Variants in TMTC2 observed in about 807,000 individuals in gnomAD.
The protein encoded by TMTC2 is transmembrane O-mannosyltransferase targeting cadherins 2.
TMTC2 carries 43 observed loss-of-function variants against 82.4 expected under a neutral mutation model. The observed-to-expected ratio is 0.52, with a 90% CI of 0.41 to 0.67. The LOEUF is 0.67. Ranked by LOEUF, TMTC2 falls within the 30% of genes least tolerant of loss-of-function variation. The pLI is 0.00. For missense variants in TMTC2, 919 were observed against 1,012.4 expected (o/e 0.91, Z 1.25); for synonymous variants, 408 against 381.9 (o/e 1.07, Z -0.80).
intron 10 of TMTC2, among the ~76,000 whole-genome samples, chr12:83,057,939 T>A (rs1291166226): frequency 6.6e-6 from 1 of 151,882 alleles, no homozygotes; most frequent in Non-Finnish European, 1.5e-5. Context: ...GTTTTATAAT[T>A]CTCACAGAAT....
chr12:82,930,263 T>C (rs1875955611), intron 3 of TMTC2, among the ~76,000 whole-genome samples, 168 bp from the exon 4 acceptor site: 1 of 152,204 alleles, frequency 6.6e-6, no homozygotes, highest in Non-Finnish European at 1.5e-5. Context: ...TGATTATATT[T>C]AATCTCCTGG....
At chr12:82,981,927 CT>C (rs1172715894) in intron 7 of TMTC2, among the ~76,000 whole-genome samples, 3 of 151,006 alleles carry the variant, frequency 2.0e-5, no homozygotes, top group Non-Finnish European at 3.0e-5. Context: ...TCTCTGAAGA[CT>C]TTTGATAGTA....
At position 83,132,322 on chromosome 12, in the gene TMTC2, C is replaced by T. The variant is rs752935267; in HGVS notation, c.2444C>T (p.Thr815Ile). The T allele has an allele frequency of 6.2e-7, 1 of 1,614,080 alleles. No individual in the cohort carries two copies. The highest frequency in any genetic ancestry group is 1.1e-5 in the South Asian group (1 of 91,072). Residue 815 changes from threonine (T) to isoleucine (I), a missense_variant, in exon 12 of 12, where the codon ACA becomes ATA. By Grantham distance (89) the Thr-to-Ile change is moderately conservative. Transcript: ENST00000321196. ...CAGCTCAAGCCAGACGATGTCATCA[C>T]ACAGTCCAATCTCCGCAAACTGTGG... The part of the protein sequence containing the change: ...ALQLKPDDVI[T>I]QSNLRKLWNI...
At chr12:83,069,411 G>A (rs1883030618) in intron 11 of TMTC2, among the ~76,000 whole-genome samples, 2 of 152,044 alleles carry the variant, frequency 1.3e-5, no homozygotes, top group Non-Finnish European at 2.9e-5. Flanking sequence ...AGGTGGTGTT[G>A]CAGTATGGTT....
At chr12:83,112,009 G>A (rs181221238) in intron 11 of TMTC2, among the ~76,000 whole-genome samples, 54 of 151,988 alleles carry the variant, frequency 3.6e-4, no homozygotes, top group African/African-American at 1.3e-3. Flanking sequence ...AGGATGCTGA[G>A]GGAGGAGGAT....
intron 2 of TMTC2, among the ~76,000 whole-genome samples, chr12:82,877,257 C>A (rs1200554186): frequency 6.6e-6 from 1 of 152,170 alleles, no homozygotes; most frequent in Admixed American, 6.5e-5. Flanking sequence ...AAATAACTTT[C>A]TCTCTGAAAC....
intron 11 of TMTC2, among the ~76,000 whole-genome samples, chr12:83,128,367 C>T (rs948737429): frequency 6.6e-5 from 10 of 151,814 alleles, no homozygotes; most frequent in African/African-American, 2.4e-4. Flanking sequence ...CATACCTTAT[C>T]CTTCTGTCTA....
chr12:82,930,345 C>T, intron 3 of TMTC2, 86 bp from the exon 4 acceptor site: 1 of 650,116 alleles, frequency 1.5e-6, no homozygotes, highest in East Asian at 2.7e-5. Flanking sequence ...GTTTTCTCTC[C>T]CTGTGGTACT....
rs895292785 is a variant in TMTC2 at position 83,134,318 on chromosome 12, G to T, written c.*1929G>T. On this transcript the variant is annotated 3_prime_UTR_variant, in exon 12 of 12. Coordinates refer to ENST00000321196, the MANE Select transcript of TMTC2 (RefSeq NM_152588.3). The stretch of plus-strand genomic sequence containing the variant: ...AAAAAAAAAAGGAATTTAATATAAG[G>T]CTATAGAGATTAATTCAGTGTCTAA... 2.6e-5 allele frequency: 4 copies of T among 152,000 alleles called. No homozygotes were observed. Among genetic ancestry groups the T allele is most frequent in the African/African-American group, 7.3e-5 (3 of 41,260 alleles). 9.4% of individuals were successfully genotyped at this position (152,000 alleles called of 1,614,324 possible). A position where few individuals can be genotyped will look rare whatever the true frequency, so the allele number is the denominator to read the frequency against.
intron 1 of TMTC2, among the ~76,000 whole-genome samples, chr12:82,734,262 A>AT (rs1385261997): frequency 6.6e-6 from 1 of 152,214 alleles, no homozygotes; most frequent in East Asian, 1.9e-4. Context: ...TCAGGGTCTA[A>AT]TAGGGCTAAA....
rs58427886 is a variant in TMTC2 at position 82,752,147 on chromosome 12, C to CATTTTTTTTTTTTTTTTTTTTTT, written c.83+64478_83+64479insATTTTTTTTTTTTTTTTTTTTTT. Among the ~76,000 whole-genome samples the CATTTTTTTTTTTTTTTTTTTTTT allele has an allele frequency of 8.0e-5, 11 of 137,928 alleles. 4 individuals carry two copies. The highest frequency in any genetic ancestry group is 1.2e-4 in the Non-Finnish European group (8 of 66,034). The allele number at this position is 137,928 out of a possible 152,430, so 90.5% of individuals were successfully genotyped here. A position where few individuals can be genotyped will look rare whatever the true frequency, so the allele number is the denominator to read the frequency against. ...ATGTTTTTATATTTATTGGAAGCTC[C>CATTTTTTTTTTTTTTTTTTTTTT]TTTTTTTTTTTTTTTTTTTCTGAAG... On this transcript the variant is annotated intron_variant, in intron 1 of 11. Coordinates refer to ENST00000321196, the MANE Select transcript of TMTC2 (RefSeq NM_152588.3).
intron 1 of TMTC2, among the ~76,000 whole-genome samples, chr12:82,765,856 A>G (rs1409471949): frequency 6.6e-6 from 1 of 152,168 alleles, no homozygotes; most frequent in Non-Finnish European, 1.5e-5. Flanking sequence ...AAAAGATAAT[A>G]CTTTTTAAAA....
intron 1 of TMTC2, among the ~76,000 whole-genome samples, chr12:82,728,158 A>G (rs1337881445): frequency 6.6e-6 from 1 of 151,976 alleles, no homozygotes; most frequent in Non-Finnish European, 1.5e-5. Flanking sequence ...CTGTTCCCCA[A>G]CAACTGCTTA....
At chr12:83,112,395 A>G (rs772047699) in intron 11 of TMTC2, among the ~76,000 whole-genome samples, 58 of 152,180 alleles carry the variant, frequency 3.8e-4, no homozygotes, top group Admixed American at 9.2e-4. Context: ...CCAAGAAATT[A>G]CTATTTAATT....
At chr12:82,771,594 A>G (rs1355373461) in intron 1 of TMTC2, among the ~76,000 whole-genome samples, 2 of 152,212 alleles carry the variant, frequency 1.3e-5, no homozygotes, top group Non-Finnish European at 2.9e-5. Flanking sequence ...TATAACCAAG[A>G]ATAAATAATG....
At chr12:82,734,746 TA>T (rs1396265416) in intron 1 of TMTC2, among the ~76,000 whole-genome samples, 1 of 152,208 alleles carries the variant, frequency 6.6e-6, no homozygotes, top group African/African-American at 2.4e-5. Flanking sequence ...CCAGGACATG[TA>T]CTTGAGTTAA....
intron 2 of TMTC2, among the ~76,000 whole-genome samples, chr12:82,891,605 G>A (rs1449905458): frequency 1.3e-5 from 2 of 152,146 alleles, no homozygotes; most frequent in Non-Finnish European, 1.5e-5. Context: ...ACCACGCCCA[G>A]CCTAGTTGAT....
At chr12:83,102,506 A>G (rs1463698709) in intron 11 of TMTC2, among the ~76,000 whole-genome samples, 1 of 152,220 alleles carries the variant, frequency 6.6e-6, no homozygotes, top group Non-Finnish European at 1.5e-5. Context: ...GAAAGGGATT[A>G]TATCAAAATG....
intron 1 of TMTC2, among the ~76,000 whole-genome samples, chr12:82,792,454 TTTTGTTTG>T (rs575571353): frequency 3.3e-5 from 5 of 151,760 alleles, no homozygotes; most frequent in Admixed American, 1.3e-4. Context: ...CTCAATGGTT[TTTTGTTTG>T]TTTGTTTGTT....
Sources: allele counts gnomAD v4.1 joint callset (sites outside exome capture counted in the v4.1 genomes callset), GRCh38; gene constraint gnomAD v4.1.1; transcripts MANE v1.5; gene names NCBI Gene and HGNC (gene_info 2026-07-23, HGNC 2026-07-21).